Variants in PRPS2 observed in about 807,000 individuals in gnomAD.
PRPS2 encodes ribose-phosphate pyrophosphokinase 2.
For missense variants in PRPS2, 104 were observed against 271.5 expected, an observed-to-expected ratio of 0.38 and a Z score of 4.34; for synonymous variants, 111 against 115.3, an observed-to-expected ratio of 0.96 and a Z score of 0.24.
intron 2 of PRPS2, among the ~76,000 whole-genome samples, chrX:12,808,288 C>CTGTGTGTGTGTGTGTGTGTG (rs60881280): frequency 3.0e-3 from 303 of 102,413 alleles, no homozygotes; most frequent in South Asian, 8.8e-3. Context: ...CATGAATATA[C>CTGTGTGTGTGTGTGTGTGTG]TGTGTGTGTG....
intron 1 of PRPS2, among the ~76,000 whole-genome samples, chrX:12,798,930 G>T (rs993548066): frequency 8.9e-6 from 1 of 111,955 alleles, no homozygotes; most frequent in Non-Finnish European, 1.9e-5. Context: ...TGTTGTCACA[G>T]CTCACTACTG....
intron 2 of PRPS2, among the ~76,000 whole-genome samples, chrX:12,802,077 G>C (rs1222810138): frequency 1.8e-5 from 2 of 112,691 alleles, no homozygotes; most frequent in African/African-American, 3.2e-5. Context: ...TGTTCATTAA[G>C]TGATAAAATA....
Position 12,810,277 on chromosome X carries a change from C to A in PRPS2, c.530+131C>A, listed in dbSNP as rs763130587. On this transcript the variant is annotated intron_variant, in intron 4 of 6. Transcript: ENST00000380668. Reference sequence around the variant, plus strand: ...TTTGCTAATGAGCAAGTAAGTAGACCGCAGGCTTCACTTCCAGAGCAGAAA... The same window carrying A: ...TTTGCTAATGAGCAAGTAAGTAGACAGCAGGCTTCACTTCCAGAGCAGAAA... The A allele has an allele frequency of 1.9e-5, 16 of 848,047 alleles. No individual in the cohort carries two copies. The African/African-American group carries it at 2.0e-4, about 11-fold the overall frequency. The allele number at this position is 848,047 out of a possible 1,213,427, so 69.9% of individuals were successfully genotyped here.
intron 4 of PRPS2, among the ~76,000 whole-genome samples, chrX:12,817,090 G>A (rs984635682): frequency 9.2e-6 from 1 of 109,065 alleles, no homozygotes; most frequent in Non-Finnish European, 1.9e-5. Flanking sequence ...TATTGGATCC[G>A]AGGATCCTCA....
At chrX:12,793,474 G>A (rs147154222) in intron 1 of PRPS2, among the ~76,000 whole-genome samples, 1 of 112,674 alleles carries the variant, frequency 8.9e-6, no homozygotes, top group African/African-American at 3.2e-5. Flanking sequence ...ATTAGAAATC[G>A]TGGGACCTCA....
At chrX:12,820,563 G>C in intron 5 of PRPS2, 81 bp from the exon 6 acceptor site, 1 of 1,024,003 alleles carries the variant, frequency 9.8e-7, no homozygotes, top group African/African-American at 1.9e-5. Flanking sequence ...AGCACACTTT[G>C]TGCTTTTACC....
intron 2 of PRPS2, among the ~76,000 whole-genome samples, chrX:12,800,548 G>T (rs1344641194): frequency 9.0e-6 from 1 of 111,196 alleles, no homozygotes; most frequent in East Asian, 2.8e-4. Flanking sequence ...TGTGTGTTCC[G>T]TATCTTATGG....
rs1196845257 is a variant in PRPS2 at position 12,810,433 on chromosome X, C to G, written c.530+287C>G. 3 of 284,931 alleles carry G rather than the reference C, an allele frequency of 1.1e-5. No homozygotes were observed. In the Admixed American group the frequency reaches 1.9e-4, roughly 18 times the overall value. 23.5% of individuals were successfully genotyped at this position (284,931 alleles called of 1,213,427 possible). A position where few individuals can be genotyped will look rare whatever the true frequency, so the allele number is the denominator to read the frequency against. ...TGTGTTTGAGGTTTTTTTAAGTTAT[C>G]GTTTTCTGATTATAAAAGTAATGAG... is the stretch of plus-strand genomic sequence containing the variant. On this transcript the variant is annotated intron_variant, in intron 4 of 6. Transcript: ENST00000380668.
intron 1 of PRPS2, among the ~76,000 whole-genome samples, chrX:12,794,599 G>A (rs766719683): frequency 3.6e-5 from 4 of 112,083 alleles, no homozygotes; most frequent in African/African-American, 1.3e-4. Context: ...GCTCTTCAGC[G>A]TTTTTATTTG....
In PRPS2 at chrX:12,791,768, CCCGCGCCCGCGCCT is replaced by C. The variant is rs1174201389; in HGVS notation, c.122+150_122+163del. 4 of 546,971 alleles carry C rather than the reference CCCGCGCCCGCGCCT, an allele frequency of 7.3e-6. No individual in the cohort carries two copies. In the East Asian group the frequency reaches 6.9e-4, roughly 95 times the overall value. The allele number at this position is 546,971 out of a possible 1,213,427, so 45.1% of individuals were successfully genotyped here. On this transcript the variant is annotated intron_variant, in intron 1 of 6. Transcript: ENST00000380668. ...ACGGTGGCAACGCGGCCTCCGCGCCCCCGCGCCCGCGCCTGCGAAGAAACCGAGGCGGGGCGCCG... is the reference window on the plus strand; with the variant it reads ...ACGGTGGCAACGCGGCCTCCGCGCCCGCGAAGAAACCGAGGCGGGGCGCCG...
intron 6 of PRPS2, among the ~76,000 whole-genome samples, chrX:12,821,025 A>G (rs1415902882): frequency 8.9e-6 from 1 of 112,236 alleles, no homozygotes; most frequent in African/African-American, 3.2e-5. Context: ...AGTGAAGAAA[A>G]TCACAATGGA....
In PRPS2 at chrX:12,798,901, G is replaced by A. The variant is rs147652149; in HGVS notation, c.123-306G>A. 3.8e-3 allele frequency among the ~76,000 whole-genome samples: 422 copies of A among 112,071 alleles called. 4 individuals are homozygous for A. Among genetic ancestry groups the A allele is most frequent in the Middle Eastern group, 0.018 (4 of 218 alleles). ...CTTGAGTCTCTAAGCAGCTTCCCTG[G>A]TAGAGAGCCCTTCACACGTGTTGTC... On this transcript the variant is annotated intron_variant, in intron 1 of 6. Coordinates refer to ENST00000380668, the MANE Select transcript of PRPS2 (RefSeq NM_002765.5).
chrX:12,792,206 G>A (rs992163593), intron 1 of PRPS2, among the ~76,000 whole-genome samples: 1 of 112,530 alleles, frequency 8.9e-6, no homozygotes, highest in Non-Finnish European at 1.9e-5. Flanking sequence ...ACGGGCGGAG[G>A]ATCAGCGATT....
At chrX:12,813,007 C>T (rs2042631425) in intron 4 of PRPS2, among the ~76,000 whole-genome samples, 1 of 112,123 alleles carries the variant, frequency 8.9e-6, no homozygotes. Context: ...GACCATCTTT[C>T]TTTCCTCCCC....
chrX:12,796,852 A>AT (rs35240522), intron 1 of PRPS2, among the ~76,000 whole-genome samples: 7,223 of 34,194 alleles, frequency 0.21, 1,607 homozygotes, highest in Non-Finnish European at 0.24. Context: ...AGTATTTCAG[A>AT]TTTTTTTTTT....
At chrX:12,810,849 C>CT (rs2042620191) in intron 4 of PRPS2, among the ~76,000 whole-genome samples, 1 of 96,631 alleles carries the variant, frequency 1.0e-5, no homozygotes, top group African/African-American at 4.4e-5. Context: ...GACCCTGACT[C>CT]TAAAAAAAAA....
chrX:12,795,031 C>T (rs896337198), intron 1 of PRPS2, among the ~76,000 whole-genome samples: 1 of 111,388 alleles, frequency 9.0e-6, no homozygotes. Context: ...AATCTGTTCC[C>T]GTGCCTTTTC....
intron 1 of PRPS2, among the ~76,000 whole-genome samples, chrX:12,798,307 T>C (rs1294666551): frequency 1.8e-5 from 2 of 112,824 alleles, no homozygotes; most frequent in Non-Finnish European, 3.7e-5. Context: ...AGTCAATCTT[T>C]AATGTGAATA....
intron 2 of PRPS2, among the ~76,000 whole-genome samples, chrX:12,803,134 T>C (rs1365807830): frequency 8.9e-6 from 1 of 112,051 alleles, no homozygotes; most frequent in African/African-American, 3.2e-5. Flanking sequence ...GGCAGAGGAA[T>C]ATTCCTTTTG....
Sources: gnomAD v4.1 joint callset for allele counts (sites outside exome capture counted in the v4.1 genomes callset) on GRCh38, gnomAD v4.1.1 for gene constraint, MANE v1.5 for transcripts, NCBI Gene and HGNC (gene_info 2026-07-23, HGNC 2026-07-21) for gene names.